SCAF4: variants seen among roughly 807,000 people sequenced by gnomAD.
The protein encoded by SCAF4 is SR-related CTD associated factor 4.
SCAF4 carries 25 observed loss-of-function variants against 129.8 expected under a neutral mutation model. The observed-to-expected ratio is 0.19, with a 90% confidence interval of 0.14 to 0.27. The LOEUF is 0.27. Among genes scored for constraint, SCAF4 ranks in the 10% least tolerant of loss-of-function variants. SCAF4 has a pLI of 1.00. For missense variants in SCAF4, 1,246 were observed against 1,457.1 expected, an observed-to-expected ratio of 0.86 and a Z score of 2.36; for synonymous variants, 551 against 497.7, an observed-to-expected ratio of 1.11 and a Z score of -1.43.
Position 31,672,331 on chromosome 21 carries a change from G to T in SCAF4, c.2512C>A (p.Pro838Thr). ...LLGTQGVAPGPVIGLQAPSTG... is the reference protein window; with the variant it reads ...LLGTQGVAPGTVIGLQAPSTG... ...GATGGTGCCTGAAGTCCAATTACAG[G>T]ACCAGGGGCAACTCCTTGAGTGCCT... Residue 838 changes from proline to threonine, a missense_variant, in exon 20 of 20, where the codon CCT becomes ACT. By Grantham distance (38) the Pro-to-Thr change is conservative. Around this residue, in one of 6 missense-constraint regions of SCAF4, gnomAD observed 468 missense variants for 605.5 expected, o/e 0.77. Coordinates refer to ENST00000286835, the MANE Select transcript of SCAF4 (RefSeq NM_020706.2). 1 of 1,613,528 alleles carries T rather than the reference G, an allele frequency of 6.2e-7. No individual in the cohort carries two copies. The highest frequency in any genetic ancestry group is 1.1e-5 in the South Asian group (1 of 91,036).
chr21:31,717,842 T>TATATACACAC (rs547466352), intron 1 of SCAF4, among the ~76,000 whole-genome samples: 2 of 114,384 alleles, frequency 1.7e-5, no homozygotes, highest in Non-Finnish European at 3.5e-5. Flanking sequence ...TATATATATA[T>TATATACACAC]ACACACACAC....
intron 1 of SCAF4, among the ~76,000 whole-genome samples, chr21:31,716,328 T>A (rs1244239728): frequency 3.3e-5 from 5 of 152,146 alleles, no homozygotes; most frequent in Admixed American, 3.3e-4. Context: ...AAGCTCCTAT[T>A]ACTATGTGAA....
intron 9 of SCAF4, 22 bp from the exon 10 acceptor site, chr21:31,695,002 T>C (rs749916726): frequency 6.3e-7 from 1 of 1,598,892 alleles, no homozygotes; most frequent in Non-Finnish European, 8.6e-7. Flanking sequence ...AAAGAAAGTG[T>C]ATGAGTAATA....
chr21:31,713,913 A>AC (rs1318157565), intron 1 of SCAF4, among the ~76,000 whole-genome samples: 2 of 152,004 alleles, frequency 1.3e-5, no homozygotes, highest in African/African-American at 4.9e-5. Flanking sequence ...AACAAACCTC[A>AC]GGAAAAAAGC....
At chr21:31,719,916 A>G (rs1006270077) in intron 1 of SCAF4, among the ~76,000 whole-genome samples, 10 of 152,200 alleles carry the variant, frequency 6.6e-5, no homozygotes, top group African/African-American at 1.9e-4. Context: ...TTTTAACCCT[A>G]TTGGTTCCAG....
At chr21:31,673,758 A>G (rs1015479815) in intron 19 of SCAF4, among the ~76,000 whole-genome samples, 1 of 152,284 alleles carries the variant, frequency 6.6e-6, no homozygotes, top group Non-Finnish European at 1.5e-5. Flanking sequence ...AATCCAAAAC[A>G]TAAAATGTAT....
chr21:31,705,383 A>G (rs2050632202), intron 3 of SCAF4, 40 bp downstream of exon 3: 1 of 917,622 alleles, frequency 1.1e-6, no homozygotes, highest in South Asian at 1.6e-5. Flanking sequence ...ATTACAAATC[A>G]TATTGTAACT....
At chr21:31,721,447 AG>A (rs2051064803) in intron 1 of SCAF4, among the ~76,000 whole-genome samples, 1 of 152,222 alleles carries the variant, frequency 6.6e-6, no homozygotes, top group Non-Finnish European at 1.5e-5. Context: ...TCCTTTAAGC[AG>A]GGTATTATAA....
chr21:31,681,028 C>G (rs1364360635), intron 19 of SCAF4, among the ~76,000 whole-genome samples: 1 of 152,182 alleles, frequency 6.6e-6, no homozygotes, highest in African/African-American at 2.4e-5. Flanking sequence ...TCTACTGAAG[C>G]CATGCCAGGA....
In SCAF4 at chr21:31,731,949, A is replaced by C; in HGVS notation, c.-257T>G. On this transcript the variant is annotated 5_prime_UTR_variant, in exon 1 of 20. Coordinates refer to ENST00000286835, the MANE Select transcript of SCAF4 (RefSeq NM_020706.2). ...GGAGGCGGCGGCAGCGCTGGTCTTC[A>C]ACATGTCCGTTTGGTGGTGGCGGCT... 1 of 483,820 alleles carries C rather than the reference A, an allele frequency of 2.1e-6. No homozygotes were observed. The highest frequency in any genetic ancestry group is 3.6e-6 in the Non-Finnish European group (1 of 279,462). The allele number at this position is 483,820 out of a possible 1,614,324, so 30.0% of individuals were successfully genotyped here.
At chr21:31,680,566 A>C (rs978164709) in intron 19 of SCAF4, among the ~76,000 whole-genome samples, 1 of 152,216 alleles carries the variant, frequency 6.6e-6, no homozygotes, top group Non-Finnish European at 1.5e-5. Context: ...TACCTGATAT[A>C]TCACTCTAGC....
Position 31,731,835 on chromosome 21 carries a change from G to A in SCAF4, c.-143C>T. On this transcript the variant is annotated 5_prime_UTR_variant, in exon 1 of 20. Transcript: ENST00000286835. ...GAGTCCGAGGCCCGGGCAGGAAGAG[G>A]CTGCGCCCGAAGCGGCGAGGCGGGC... The A allele has an allele frequency of 1.0e-6, 1 of 960,262 alleles. No individual in the cohort carries two copies. The highest frequency in any genetic ancestry group is 1.4e-6 in the Non-Finnish European group (1 of 702,540). The allele number at this position is 960,262 out of a possible 1,614,324, so 59.5% of individuals were successfully genotyped here.
chr21:31,696,042 T>C (rs1367824227), intron 9 of SCAF4, 71 bp downstream of exon 9: 3 of 1,057,752 alleles, frequency 2.8e-6, no homozygotes, highest in African/African-American at 1.6e-5. Flanking sequence ...TGCAGAGTGC[T>C]CTGTGGAATG....
At chr21:31,716,100 C>T (rs2050914974) in intron 1 of SCAF4, among the ~76,000 whole-genome samples, 1 of 152,094 alleles carries the variant, frequency 6.6e-6, no homozygotes, top group Non-Finnish European at 1.5e-5. Context: ...AATTAGAAGA[C>T]TATATACTAA....
At chr21:31,704,336 C>G (rs569882557) in intron 3 of SCAF4, among the ~76,000 whole-genome samples, 6 of 152,142 alleles carry the variant, frequency 3.9e-5, no homozygotes, top group African/African-American at 1.4e-4. Flanking sequence ...AATTCTATTA[C>G]AGTACCAAAT....
Position 31,693,283 on chromosome 21 carries a change from G to A in SCAF4, c.1513+11C>T, listed in dbSNP as rs755610877. ...ATAGTACATGAGGTTTGAATATAAAGGTTGAGTTACCACTTGCAGTTTCCG... is the reference window on the plus strand; with the variant it reads ...ATAGTACATGAGGTTTGAATATAAAAGTTGAGTTACCACTTGCAGTTTCCG... On this transcript the variant is annotated intron_variant, in intron 12 of 19. Transcript: ENST00000286835. The A allele has an allele frequency of 6.9e-7, 1 of 1,449,598 alleles. No individual in the cohort carries two copies. Among genetic ancestry groups the A allele is most frequent in the Non-Finnish European group, 9.2e-7 (1 of 1,082,462 alleles). The allele number at this position is 1,449,598 out of a possible 1,614,324, so 89.8% of individuals were successfully genotyped here.
chr21:31,715,388 C>T (rs1399566985), intron 1 of SCAF4, among the ~76,000 whole-genome samples: 2 of 151,974 alleles, frequency 1.3e-5, no homozygotes, highest in Non-Finnish European at 2.9e-5. Flanking sequence ...TATTCACATC[C>T]CCAGTCTCTT....
chr21:31,707,363 A>G (rs1217619501), intron 1 of SCAF4, among the ~76,000 whole-genome samples: 1 of 152,206 alleles, frequency 6.6e-6, no homozygotes, highest in Non-Finnish European at 1.5e-5. Flanking sequence ...CAAAAAACAC[A>G]AACAAAAGGG....
intron 1 of SCAF4, among the ~76,000 whole-genome samples, chr21:31,712,170 G>A (rs1456962151): frequency 6.6e-6 from 1 of 150,782 alleles, no homozygotes; most frequent in East Asian, 2.0e-4. Context: ...TAAGACATGG[G>A]CCCTCTACTG....
Sources: gnomAD v4.1 joint callset for allele counts (sites outside exome capture counted in the v4.1 genomes callset) on GRCh38, gnomAD v4.1.1 for gene constraint, gnomAD v4.1.1 regional missense constraint, MANE v1.5 for transcripts, NCBI Gene and HGNC (gene_info 2026-07-23, HGNC 2026-07-21) for gene names.